The following DNAH7 variants were observed in gnomAD, a reference collection of about 807,000 sequenced individuals.
DNAH7 encodes axonemal beta dynein heavy chain 7.
In DNAH7, 397 loss-of-function variants were observed where a neutral mutation model predicts 444.6. The ratio of observed to expected loss-of-function variants is 0.89; its 90% CI spans 0.82 to 0.97. DNAH7 has a LOEUF of 0.97. DNAH7 is among the 50% of genes least tolerant of loss of function. The probability of loss-of-function intolerance (pLI) is 0.00; values close to 1 mark genes in which losing one functional copy is unlikely to be tolerated. For synonymous variants in DNAH7, 1,636 were observed against 1,624.4 expected (o/e 1.01, Z -0.17); for missense variants, 4,902 against 4,800.8 (o/e 1.02, Z -0.62).
chr2:195,873,056 AGG>A (rs1700814091), intron 39 of DNAH7, among the ~76,000 whole-genome samples: 1 of 152,220 alleles, frequency 6.6e-6, no homozygotes, highest in South Asian at 2.1e-4. Context: ...TCTAGGAGCC[AGG>A]TGTTTACTCC....
Position 195,941,066 on chromosome 2 carries a change from A to G in DNAH7, c.3079-4274T>C, listed in dbSNP as rs567549664. Reference sequence around the variant, plus strand: ...TAAATCATTCTACCATAAAGCCACAAGCACACGTATGTTTATTGCGGTACT... The same window carrying G: ...TAAATCATTCTACCATAAAGCCACAGGCACACGTATGTTTATTGCGGTACT... On this transcript the variant is annotated intron_variant, in intron 19 of 64. Coordinates refer to ENST00000312428, the MANE Select transcript of DNAH7 (RefSeq NM_018897.3). Among the ~76,000 whole-genome samples the G allele has an allele frequency of 1.8e-4, 28 of 152,210 alleles. 1 individual carries two copies. In the South Asian group the frequency reaches 5.6e-3, roughly 30 times the overall value.
At chr2:195,760,982 A>G (rs541556120) in intron 61 of DNAH7, among the ~76,000 whole-genome samples, 1 of 152,194 alleles carries the variant, frequency 6.6e-6, no homozygotes, top group Non-Finnish European at 1.5e-5. Context: ...ACATGACCTT[A>G]CCAAATAAAC....
At position 195,861,901 on chromosome 2, in the gene DNAH7, C is replaced by T; in HGVS notation, c.7552G>A (p.Glu2518Lys). Residue 2518 changes from glutamate to lysine, a missense_variant, in exon 42 of 65, where the codon GAA becomes AAA. Transcript: ENST00000312428. ...ATTTCCTCTGACATTTCAATTTCTT[C>T]CAAGAATCGTGAGGCAACTGCCTGG... ...ALQAVASRFLEEIEMSEEIRD... is the reference protein window; with the variant it reads ...ALQAVASRFLKEIEMSEEIRD... 1.2e-6 allele frequency: 2 copies of T among 1,613,936 alleles called. No individual in the cohort carries two copies. Among genetic ancestry groups the T allele is most frequent in the East Asian group, 2.2e-5 (1 of 44,878 alleles).
chr2:195,898,346 A>T (rs1686461092), intron 28 of DNAH7, among the ~76,000 whole-genome samples: 1 of 152,140 alleles, frequency 6.6e-6, no homozygotes, highest in Non-Finnish European at 1.5e-5. Context: ...AGATACTTGT[A>T]ATATAATTTA....
chr2:195,754,578 A>C (rs909004932), intron 62 of DNAH7, 64 bp from the exon 63 acceptor site: 1 of 1,492,926 alleles, frequency 6.7e-7, no homozygotes, highest in African/African-American at 1.4e-5. Flanking sequence ...TTTTTTTTTG[A>C]GACAGGATCT....
At chr2:195,745,374 T>C (rs1225484374) in intron 63 of DNAH7, among the ~76,000 whole-genome samples, 1 of 152,154 alleles carries the variant, frequency 6.6e-6, no homozygotes, top group Non-Finnish European at 1.5e-5. Context: ...CAAATCTACG[T>C]CTCATTGGTG....
intron 1 of DNAH7, among the ~76,000 whole-genome samples, chr2:196,067,509 C>A (rs1217314841): frequency 6.6e-6 from 1 of 152,082 alleles, no homozygotes; most frequent in African/African-American, 2.4e-5. Context: ...AATACCAATA[C>A]TAATTATACT....
In DNAH7 at chr2:195,864,233, G is replaced by T. The variant is rs2125091284; in HGVS notation, c.7422C>A (p.Ala2474=). 1.9e-6 allele frequency: 3 copies of T among 1,614,172 alleles called. No homozygotes were observed. In the East Asian group the frequency reaches 6.7e-5, roughly 36 times the overall value. ...HCRSQLHVVL[A]MSPIGDAFRN... ...GAAATGCATCTCCAATGGGACTCAT[G>T]GCAAGGACCACATGCAGTTGGCTGC... is the stretch of plus-strand genomic sequence containing the variant. Residue 2474 remains alanine (A), a synonymous_variant, in exon 41 of 65, where the codon GCC becomes GCA. Transcript: ENST00000312428.
chr2:195,852,911 C>CAGAGAG (rs1490757777), intron 46 of DNAH7, among the ~76,000 whole-genome samples: 1 of 125,870 alleles, frequency 7.9e-6, no homozygotes, highest in African/African-American at 3.4e-5. Context: ...CACACACACA[C>CAGAGAG]ACACAGAGAG....
chr2:196,056,009 T>G (rs920340002), intron 2 of DNAH7, among the ~76,000 whole-genome samples: 2 of 152,202 alleles, frequency 1.3e-5, no homozygotes, highest in African/African-American at 4.8e-5. Flanking sequence ...CAAATAGTGC[T>G]TCTCTAGCTA....
chr2:195,809,714 T>C (rs1460426764), intron 52 of DNAH7, 31 bp downstream of exon 52: 4 of 1,492,288 alleles, frequency 2.7e-6, no homozygotes, highest in Non-Finnish European at 2.7e-6. Flanking sequence ...TTATTAAGGG[T>C]TTTTTTCTTA....
chr2:195,807,196 G>A (rs952231020), intron 53 of DNAH7, among the ~76,000 whole-genome samples: 2 of 150,212 alleles, frequency 1.3e-5, no homozygotes, highest in African/African-American at 4.9e-5. Flanking sequence ...TTGCTCTGTC[G>A]CCCAGGCTGG....
Position 195,873,799 on chromosome 2 carries a change from C to T in DNAH7, c.6287-105G>A, listed in dbSNP as rs530198320. On this transcript the variant is annotated intron_variant, in intron 38 of 64. Transcript: ENST00000312428. ...GTAACTTGAAAGATGGACAAATTCA[C>T]GGCACATGAAGTTAAGAGTAATCAA... 41 of 818,158 alleles carry T rather than the reference C, an allele frequency of 5.0e-5. 1 individual carries two copies. In the South Asian group the frequency reaches 1.2e-3, roughly 23 times the overall value. 50.7% of individuals were successfully genotyped at this position (818,158 alleles called of 1,614,324 possible).
At position 195,850,907 on chromosome 2, in the gene DNAH7, C is replaced by T. The variant is rs574214507; in HGVS notation, c.8781+2436G>A. On this transcript the variant is annotated intron_variant, in intron 46 of 64. Coordinates refer to ENST00000312428, the MANE Select transcript of DNAH7 (RefSeq NM_018897.3). ...GGGAGCCTCCATAGTGTAAGCTATT[C>T]CTTGGAGCTGTCCCAACCAGGGGGA... Among the ~76,000 whole-genome samples the T allele has an allele frequency of 7.9e-5, 12 of 152,246 alleles. No individual in the cohort carries two copies. The South Asian group carries it at 2.3e-3, about 29-fold the overall frequency.
At chr2:196,033,243 C>T (rs764093413) in intron 5 of DNAH7, among the ~76,000 whole-genome samples, 7 of 152,070 alleles carry the variant, frequency 4.6e-5, no homozygotes, top group African/African-American at 7.2e-5. Context: ...TTTATTAATA[C>T]AATGTGGAAT....
chr2:195,776,135 G>A (rs1430858680), intron 59 of DNAH7, 152 bp from the exon 60 acceptor site: 2 of 1,046,354 alleles, frequency 1.9e-6, no homozygotes, highest in African/African-American at 1.6e-5. Context: ...TTTCAGCCTG[G>A]GCCAAAGTTT....
intron 31 of DNAH7, among the ~76,000 whole-genome samples, chr2:195,890,720 T>G (rs911379332): frequency 1.3e-5 from 2 of 152,104 alleles, no homozygotes; most frequent in African/African-American, 4.8e-5. Context: ...CTCTGCCCCA[T>G]GAGAGTCAGT....
In DNAH7 at chr2:195,957,143, G is replaced by A. The variant is rs763728753; in HGVS notation, c.3078+118C>T. 168 of 822,024 alleles carry A rather than the reference G, an allele frequency of 2.0e-4. 1 individual carries two copies. The highest frequency in any genetic ancestry group is 1.7e-4 in the Non-Finnish European group (98 of 571,864). The allele number at this position is 822,024 out of a possible 1,614,324, so 50.9% of individuals were successfully genotyped here. ...CTAAAATAATAGCTGAAAAGACAAT[G>A]TATGTATGAAACAGATAATGGCTTA... On this transcript the variant is annotated intron_variant, in intron 19 of 64. Transcript: ENST00000312428.
intron 1 of DNAH7, among the ~76,000 whole-genome samples, chr2:196,061,321 A>C (rs1238446951): frequency 6.6e-6 from 1 of 152,010 alleles, no homozygotes; most frequent in African/African-American, 2.4e-5. Flanking sequence ...GAATCTCCCA[A>C]ATTTATCTCC....
Sources: gnomAD v4.1 joint callset for allele counts (sites outside exome capture counted in the v4.1 genomes callset) on GRCh38, gnomAD v4.1.1 for gene constraint, MANE v1.5 for transcripts, NCBI Gene and HGNC (gene_info 2026-07-23, HGNC 2026-07-21) for gene names.